NXPE1: variants seen among roughly 807,000 people sequenced by gnomAD.
NXPE1 encodes the protein NXPE family member 1.
In NXPE1, 31 loss-of-function variants were observed where a neutral mutation model predicts 33.3. That is an observed-to-expected ratio of 0.93 (90% confidence interval 0.70 to 1.26). The LOEUF (loss-of-function observed/expected upper bound fraction) is 1.26. NXPE1 is among the 50% of genes most tolerant of loss of function. The probability of loss-of-function intolerance (pLI) is 0.00; values close to 1 mark genes in which losing one functional copy is unlikely to be tolerated. For synonymous variants in NXPE1, 229 were observed against 231.4 expected, an observed-to-expected ratio of 0.99 and a Z score of 0.09; for missense variants, 661 against 655.6, an observed-to-expected ratio of 1.01 and a Z score of -0.09.
intron 7 of NXPE1, chr11:114,526,549 C>G (rs1188655563): frequency 1.3e-5 from 2 of 152,146 alleles, no homozygotes; most frequent in African/African-American, 4.8e-5. Flanking sequence ...GCTTTCAAGT[C>G]TACTGAATAA....
At chr11:114,559,119 T>C (rs1286956894) in intron 1 of NXPE1, among the ~76,000 whole-genome samples, 1 of 152,154 alleles carries the variant, frequency 6.6e-6, no homozygotes, top group African/African-American at 2.4e-5. Context: ...AAAATATACA[T>C]ACAAAGCACA....
At chr11:114,556,151 TGAG>T (rs1190852825) in intron 1 of NXPE1, among the ~76,000 whole-genome samples, 2 of 152,230 alleles carry the variant, frequency 1.3e-5, no homozygotes, top group African/African-American at 4.8e-5. Flanking sequence ...GTAACAATAT[TGAG>T]TTTTCCAATT....
At chr11:114,521,700 A>G (rs1030991835) in exon 9 of NXPE1, 1 of 371,898 alleles carries the variant, frequency 2.7e-6, no homozygotes, top group Non-Finnish European at 4.8e-6. Context: ...ATATTTTCAA[A>G]TCAGCTTAAT....
At chr11:114,558,937 A>G (rs1948717142) in intron 1 of NXPE1, among the ~76,000 whole-genome samples, 1 of 152,182 alleles carries the variant, frequency 6.6e-6, no homozygotes, top group African/African-American at 2.4e-5. Flanking sequence ...AGACTTTAAT[A>G]TGTATTACTA....
chr11:114,536,806 A>G (rs1947845667), intron 5 of NXPE1, among the ~76,000 whole-genome samples: 1 of 152,210 alleles, frequency 6.6e-6, no homozygotes, highest in Admixed American at 6.5e-5. Flanking sequence ...TACCAACCAA[A>G]AAAAGTCCAG....
rs192033861 is a variant in NXPE1, at chr11:114,537,487, G to C, written c.100-6579C>G. On this transcript the variant is annotated intron_variant, in intron 5 of 8. Transcript: ENST00000534921. ...ATTCAATTAGGAAAAGAGGAAGTCA[G>C]ATTGTCCCTGTTTGCAGATGACATG... Among the ~76,000 whole-genome samples, 900 of 152,190 alleles carry C rather than the reference G, an allele frequency of 5.9e-3. 7 individuals carry two copies. The highest frequency in any genetic ancestry group is 0.017 in the Middle Eastern group (5 of 294).
chr11:114,530,114 T>C, intron 6 of NXPE1, 61 bp downstream of exon 6: 1 of 1,497,926 alleles, frequency 6.7e-7, no homozygotes, highest in Non-Finnish European at 9.0e-7. Context: ...ATGGGCAATG[T>C]AGCTCTGACT....
At chr11:114,522,010 C>G in exon 9 of NXPE1, 1 of 1,613,584 alleles carries the variant, frequency 6.2e-7, no homozygotes. Context: ...GATTTCCAAT[C>G]ACATGATCAG....
rs1346214739 is a variant in NXPE1 at position 114,523,003 on chromosome 11, T to G, written c.984A>C (p.Thr328=). Residue 328 remains threonine (T), a synonymous_variant, in exon 8 of 9, where the codon ACA becomes ACC. Coordinates refer to ENST00000534921, the Ensembl canonical transcript of NXPE1. Reference sequence around the variant, plus strand: ...TGTCTAACTGAACCTGGTTGCAAAATGTTGTTATCCATTTTCCTTGTAAAG... The same window carrying G: ...TGTCTAACTGAACCTGGTTGCAAAAGGTTGTTATCCATTTTCCTTGTAAAG... 5 of 1,613,718 alleles carry G rather than the reference T, an allele frequency of 3.1e-6. No individual in the cohort carries two copies. In the African/African-American group the frequency reaches 5.3e-5, roughly 17 times the overall value.
At chr11:114,540,296 T>C (rs1283728537) in intron 5 of NXPE1, among the ~76,000 whole-genome samples, 1 of 152,222 alleles carries the variant, frequency 6.6e-6, no homozygotes, top group Non-Finnish European at 1.5e-5. Flanking sequence ...AAGTTAAACT[T>C]TGTATATTCA....
At chr11:114,532,948 A>G (rs920904221) in intron 5 of NXPE1, among the ~76,000 whole-genome samples, 20 of 152,170 alleles carry the variant, frequency 1.3e-4, no homozygotes, top group Non-Finnish European at 4.4e-5. Context: ...CAATAAAAGG[A>G]TTTGATGTAT....
exon 6 of NXPE1, chr11:114,530,406 T>C: frequency 1.2e-6 from 2 of 1,614,240 alleles, no homozygotes; most frequent in Non-Finnish European, 1.7e-6. Flanking sequence ...AATAATTTTA[T>C]CATAGCCTTG....
At chr11:114,527,961 A>G (rs1420637164) in intron 6 of NXPE1, 60 bp from the exon 7 acceptor site, 8 of 1,305,962 alleles carry the variant, frequency 6.1e-6, no homozygotes, top group Non-Finnish European at 7.5e-6. Flanking sequence ...ACACAGGTGA[A>G]TCATCTGCTT....
At chr11:114,550,158 T>C (rs1357649491) in intron 5 of NXPE1, among the ~76,000 whole-genome samples, 1 of 152,100 alleles carries the variant, frequency 6.6e-6, no homozygotes, top group East Asian at 1.9e-4. Flanking sequence ...ACTTATACAT[T>C]TAATAAAATC....
At chr11:114,541,645 A>G (rs1199212976) in intron 5 of NXPE1, among the ~76,000 whole-genome samples, 1 of 152,248 alleles carries the variant, frequency 6.6e-6, no homozygotes, top group African/African-American at 2.4e-5. Flanking sequence ...GGTTTGTTCC[A>G]GAAAGGCAGG....
chr11:114,558,234 A>C (rs115021899), intron 1 of NXPE1, among the ~76,000 whole-genome samples: 1 of 152,160 alleles, frequency 6.6e-6, no homozygotes, highest in African/African-American at 2.4e-5. Context: ...ATCCATATAT[A>C]TGCACATTCT....
In NXPE1 at chr11:114,522,868, T is replaced by G; in HGVS notation, c.1108+11A>C. The G allele has an allele frequency of 6.3e-7, 1 of 1,581,932 alleles. No individual in the cohort carries two copies. Among genetic ancestry groups the G allele is most frequent in the Non-Finnish European group, 8.7e-7 (1 of 1,150,898 alleles). ...CCTGAATTTCTAAGAGAATATAAAG[T>G]AACTACCTACTTTTTACAACTTTGG... On this transcript the variant is annotated intron_variant, in intron 8 of 8. Transcript: ENST00000534921.
chr11:114,539,006 T>A (rs1591283999), intron 5 of NXPE1, among the ~76,000 whole-genome samples: 1 of 107,510 alleles, frequency 9.3e-6, no homozygotes, highest in South Asian at 3.5e-4. Context: ...GAGGCACTAT[T>A]CACAATAGCA....
chr11:114,541,736 A>G (rs1028960723), intron 5 of NXPE1, among the ~76,000 whole-genome samples: 2 of 152,346 alleles, frequency 1.3e-5, no homozygotes, highest in East Asian at 3.9e-4. Flanking sequence ...TTGAGTTTGT[A>G]TAAAGACCTG....
Sources: gnomAD v4.1 joint callset for allele counts (sites outside exome capture counted in the v4.1 genomes callset) on GRCh38, gnomAD v4.1.1 for gene constraint, MANE v1.5 for transcripts, NCBI Gene and HGNC (gene_info 2026-07-23, HGNC 2026-07-21) for gene names.